HECTD4: variants seen among roughly 807,000 people sequenced by gnomAD.
HECTD4 encodes probable E3 ubiquitin-protein ligase HECTD4.
A neutral mutation model predicts 471.5 loss-of-function variants in HECTD4; 114 were observed. The ratio of observed to expected loss-of-function variants is 0.24; its 90% confidence interval spans 0.21 to 0.28. The LOEUF is 0.28. Among genes scored for constraint, HECTD4 ranks in the 10% least tolerant of loss-of-function variants. HECTD4 has a pLI of 1.00. For synonymous variants in HECTD4, 2,012 were observed against 2,256.0 expected, an observed-to-expected ratio of 0.89 and a Z score of 3.07; for missense variants, 3,866 against 5,651.5, an observed-to-expected ratio of 0.68 and a Z score of 10.13.
intron 14 of HECTD4, among the ~76,000 whole-genome samples, chr12:112,266,593 G>A (rs937685785): frequency 6.6e-6 from 1 of 152,176 alleles, no homozygotes; most frequent in African/African-American, 2.4e-5. Context: ...CAATCCTCCT[G>A]CCTCAGACTC....
chr12:112,341,317 T>C (rs1389624173), intron 1 of HECTD4, among the ~76,000 whole-genome samples: 1 of 152,204 alleles, frequency 6.6e-6, no homozygotes, highest in Non-Finnish European at 1.5e-5. Context: ...TCAGCACTTC[T>C]GTTTGAGACT....
intron 9 of HECTD4, among the ~76,000 whole-genome samples, chr12:112,277,407 G>C (rs371887265): frequency 6.6e-6 from 1 of 152,090 alleles, no homozygotes; most frequent in South Asian, 2.1e-4. Context: ...GTTTCCTAAG[G>C]CCTCTCCAGC....
chr12:112,163,959 C>A lies in HECTD4; in HGVS notation c.12701+150G>T. On this transcript the variant is annotated intron_variant, in intron 73 of 75. Transcript: ENST00000682272. This position sits in a 1 kb window ranked among gnomAD's most constrained non-coding sequence, Gnocchi z 8.2. ...TGAGGACCCTCTTTCTTGGCACCCA[C>A]CATCCTGCCTCATCTCCCTCTCCTG... 3.2e-6 allele frequency: 3 copies of A among 924,560 alleles called. No homozygotes were observed. Among genetic ancestry groups the A allele is most frequent in the Non-Finnish European group, 4.5e-6 (3 of 662,320 alleles). 57.3% of individuals were successfully genotyped at this position (924,560 alleles called of 1,614,324 possible). A position where few individuals can be genotyped will look rare whatever the true frequency, so the allele number is the denominator to read the frequency against.
chr12:112,253,991 G>T, intron 22 of HECTD4, 52 bp downstream of exon 22: 1 of 1,597,894 alleles, frequency 6.3e-7, no homozygotes, highest in Non-Finnish European at 8.6e-7. Context: ...GACCTGTGAG[G>T]ACTGCAAGTT....
intron 71 of HECTD4, 113 bp downstream of exon 71, chr12:112,167,701 G>T: frequency 1.8e-6 from 2 of 1,105,764 alleles, no homozygotes; most frequent in East Asian, 2.5e-5. Flanking sequence ...CCCACAGATT[G>T]GGAGGGTTTC....
At position 112,167,485 on chromosome 12, in the gene HECTD4, C is replaced by T. The variant is rs767647283; in HGVS notation, c.12366G>A (p.Leu4122=). The T allele has an allele frequency of 2.5e-6, 4 of 1,611,576 alleles. No individual in the cohort carries two copies. The South Asian group carries it at 4.4e-5, about 18-fold the overall frequency. Residue 4122 remains leucine, a synonymous_variant, in exon 72 of 76, where the codon CTG becomes CTA. Coordinates refer to ENST00000682272, the MANE Select transcript of HECTD4 (RefSeq NM_001388303.1). The part of the protein sequence containing the change: ...SPITYGEEQL[L]HFLGQLLGIA... Reference sequence around the variant, plus strand: ...TCCCCAGCAGCTGCCCCAGGAAGTGCAGCAGCTGCTCCTCCCCGTAGGTGA... The same window carrying T: ...TCCCCAGCAGCTGCCCCAGGAAGTGTAGCAGCTGCTCCTCCCCGTAGGTGA...
chr12:112,271,664 A>G lies in HECTD4; in HGVS notation c.1943-1205T>C, dbSNP rs2034415588. Among the ~76,000 whole-genome samples the G allele has an allele frequency of 2.6e-5, 4 of 152,070 alleles. No homozygotes were observed. In the South Asian group the frequency reaches 8.3e-4, roughly 32 times the overall value. On this transcript the variant is annotated intron_variant, in intron 11 of 75. Coordinates refer to ENST00000682272, the MANE Select transcript of HECTD4 (RefSeq NM_001388303.1). ...TCAGACAGAACAACTCTACTAATCTATGGCCCAGGTTTGCTGCTTTCTTCT... is the reference window on the plus strand; with the variant it reads ...TCAGACAGAACAACTCTACTAATCTGTGGCCCAGGTTTGCTGCTTTCTTCT...
intron 53 of HECTD4, 137 bp downstream of exon 53, chr12:112,204,349 G>A (rs1418242176): frequency 6.1e-6 from 5 of 818,274 alleles, no homozygotes; most frequent in South Asian, 5.1e-5. Flanking sequence ...CACATGGGGC[G>A]GTGTGGAAGA....
At chr12:112,326,519 CA>C (rs2035749463) in intron 1 of HECTD4, among the ~76,000 whole-genome samples, 1 of 151,934 alleles carries the variant, frequency 6.6e-6, no homozygotes, top group Non-Finnish European at 1.5e-5. Context: ...ACAAAAAAAA[CA>C]GATGATCAAT....
intron 12 of HECTD4, 99 bp downstream of exon 12, chr12:112,270,128 A>G: frequency 9.7e-7 from 1 of 1,034,982 alleles, no homozygotes. Context: ...GAACAGGAAA[A>G]TCATTAAATT....
chr12:112,207,788 C>G, intron 52 of HECTD4, 86 bp downstream of exon 52: 1 of 1,475,662 alleles, frequency 6.8e-7, no homozygotes, highest in South Asian at 1.2e-5. Flanking sequence ...TTAGATGAGT[C>G]TCTCCTGATT....
At chr12:112,216,464 G>T in intron 47 of HECTD4, 93 bp from the exon 48 acceptor site, 1 of 859,870 alleles carries the variant, frequency 1.2e-6, no homozygotes, top group Non-Finnish European at 1.9e-6. Context: ...TGGAGGGGGG[G>T]TGGTCAGCAT....
Position 112,167,470 on chromosome 12 carries a change from C to T in HECTD4, c.12381G>A (p.Gln4127=), listed in dbSNP as rs1468279860. 3 of 1,612,950 alleles carry T rather than the reference C, an allele frequency of 1.9e-6. No individual in the cohort carries two copies. Among genetic ancestry groups the T allele is most frequent in the Non-Finnish European group, 2.5e-6 (3 of 1,179,440 alleles). ...CTGCCCGAATTGCAATCCCCAGCAG[C>T]TGCCCCAGGAAGTGCAGCAGCTGCT... ...GEEQLLHFLG[Q]LLGIAIRADV... Residue 4127 remains glutamine, a synonymous_variant, in exon 72 of 76, where the codon CAG becomes CAA. Coordinates refer to ENST00000682272, the MANE Select transcript of HECTD4 (RefSeq NM_001388303.1).
At chr12:112,226,214 C>T (rs144361183) in intron 44 of HECTD4, among the ~76,000 whole-genome samples, 3 of 152,084 alleles carry the variant, frequency 2.0e-5, no homozygotes, top group East Asian at 3.9e-4. Context: ...CACACTCACA[C>T]ACACACTCAC....
intron 1 of HECTD4, among the ~76,000 whole-genome samples, chr12:112,361,464 G>A (rs532774669): frequency 6.6e-6 from 1 of 152,024 alleles, no homozygotes; most frequent in South Asian, 2.1e-4. Context: ...TGTAGAGATA[G>A]GGTCTCACTA....
intron 28 of HECTD4, 113 bp from the exon 29 acceptor site, chr12:112,247,189 T>C: frequency 2.3e-6 from 2 of 862,490 alleles, no homozygotes; most frequent in Middle Eastern, 3.5e-4. Context: ...TAAGCAAAAG[T>C]AACCTAATCA....
At chr12:112,237,222 TCTC>T in intron 34 of HECTD4, 124 bp from the exon 35 acceptor site, 2 of 697,436 alleles carry the variant, frequency 2.9e-6, no homozygotes, top group South Asian at 3.1e-5. Flanking sequence ...TCTAATAGTG[TCTC>T]CTCATTAGAT....
rs746264628 is a variant in HECTD4 at position 112,203,656 on chromosome 12, C to A, written c.8386G>T (p.Val2796Phe). ...CTCACTGAATCAACATCTAAGACGA[C>A]TCCATGAAGCCCAAAGGTTTTCAGC... ...GMLKTFGLHGVVLDVDSVNEL... is the reference protein window; with the variant it reads ...GMLKTFGLHGFVLDVDSVNEL... The change falls in exon 54 of 76, where the codon GTC becomes TTC. Residue 2796 changes from valine to phenylalanine, a missense_variant. Val to Phe is a conservative substitution (Grantham distance 50). This residue lies in a region of HECTD4 where 266 missense variants were observed against 441.6 expected (regional missense o/e 0.60). Transcript: ENST00000682272. The A allele has an allele frequency of 2.5e-6, 4 of 1,613,442 alleles. No homozygotes were observed. Among genetic ancestry groups the A allele is most frequent in the Non-Finnish European group, 3.4e-6 (4 of 1,179,672 alleles).
Position 112,295,496 on chromosome 12 carries a change from T to C in HECTD4, c.1335+10568A>G, listed in dbSNP as rs532086316. Among the ~76,000 whole-genome samples, 4 of 150,504 alleles carry C rather than the reference T, an allele frequency of 2.7e-5. No individual in the cohort carries two copies. In the South Asian group the frequency reaches 8.5e-4, roughly 32 times the overall value. On this transcript the variant is annotated intron_variant, in intron 7 of 75. Coordinates refer to ENST00000682272, the MANE Select transcript of HECTD4 (RefSeq NM_001388303.1). ...TCCTTCTACCTCAGCAACTGGCTAA[T>C]ATTAATTTTTTTTTTTTTTTTTTAG...
Sources: gnomAD v4.1 joint callset for allele counts (sites outside exome capture counted in the v4.1 genomes callset) on GRCh38, gnomAD v4.1.1 for gene constraint, gnomAD v4.1.1 regional missense constraint, Gnocchi (gnomAD v3.1) non-coding constraint, MANE v1.5 for transcripts, NCBI Gene and HGNC (gene_info 2026-07-23, HGNC 2026-07-21) for gene names.